DLGAP1: variants seen among roughly 807,000 people sequenced by gnomAD.
DLGAP1 encodes the protein disks large-associated protein 1.
DLGAP1 carries 11 observed loss-of-function variants against 90.8 expected under a neutral mutation model. That is an observed-to-expected ratio of 0.12 (90% CI 0.08 to 0.20). The LOEUF (loss-of-function observed/expected upper bound fraction) is 0.20. Ranked by LOEUF, DLGAP1 falls within the 10% of genes least tolerant of loss-of-function variation. The pLI is 1.00. For missense variants in DLGAP1, 1,050 were observed against 1,333.8 expected (o/e 0.79, Z 3.31); for synonymous variants, 558 against 540.7 (o/e 1.03, Z -0.44).
At chr18:3,987,780 G>A (rs942114038) in intron 3 of DLGAP1, among the ~76,000 whole-genome samples, 1 of 151,858 alleles carries the variant, frequency 6.6e-6, no homozygotes, top group African/African-American at 2.4e-5. Context: ...AGAGCGTTTT[G>A]TCTTTAACTT....
At chr18:3,846,931 G>C (rs1005032335) in intron 4 of DLGAP1, among the ~76,000 whole-genome samples, 1 of 151,908 alleles carries the variant, frequency 6.6e-6, no homozygotes, top group African/African-American at 2.4e-5. Context: ...ACTTTAAATG[G>C]GTAAATAATA....
At chr18:4,094,217 GTTCC>G (rs1346897816) in intron 2 of DLGAP1, among the ~76,000 whole-genome samples, 1 of 151,682 alleles carries the variant, frequency 6.6e-6, no homozygotes, top group Non-Finnish European at 1.5e-5. Context: ...ATTTTTCTTT[GTTCC>G]TTAGTTTTAT....
chr18:3,621,192 T>C (rs1334422645), intron 7 of DLGAP1, among the ~76,000 whole-genome samples: 1 of 152,164 alleles, frequency 6.6e-6, no homozygotes. Context: ...ATGATTATTA[T>C]ACCTGCCCTG....
chr18:3,819,027 C>A (rs1336518419), intron 4 of DLGAP1, among the ~76,000 whole-genome samples: 1 of 151,830 alleles, frequency 6.6e-6, no homozygotes, highest in Non-Finnish European at 1.5e-5. Flanking sequence ...AAGAGGAACA[C>A]ACGGCCGGAC....
In DLGAP1 at chr18:3,559,341, C is replaced by A. The variant is rs183495906; in HGVS notation, c.2057+8149G>T. Among the ~76,000 whole-genome samples, 246 of 152,184 alleles carry A rather than the reference C, an allele frequency of 1.6e-3. 1 individual carries two copies. Among genetic ancestry groups the A allele is most frequent in the African/African-American group, 5.6e-3 (231 of 41,520 alleles). ...GTAAAATTAAATGAGCGCTGACAGC[C>A]AGCTGCACATTTTTTCTAAATGGGA... is the stretch of plus-strand genomic sequence containing the variant. On this transcript the variant is annotated intron_variant, in intron 9 of 12. Coordinates refer to ENST00000315677, the MANE Select transcript of DLGAP1 (RefSeq NM_004746.4).
intron 1 of DLGAP1, among the ~76,000 whole-genome samples, chr18:4,286,044 A>G (rs1466098269): frequency 1.3e-5 from 2 of 152,150 alleles, no homozygotes; most frequent in African/African-American, 4.8e-5. Flanking sequence ...TTGAAAAACA[A>G]AGTGTCACTC....
At chr18:4,125,981 T>G (rs546200326) in intron 2 of DLGAP1, among the ~76,000 whole-genome samples, 1 of 152,250 alleles carries the variant, frequency 6.6e-6, no homozygotes, top group Admixed American at 6.5e-5. Flanking sequence ...GGGTGAGACT[T>G]GATGAGCAAG....
intron 7 of DLGAP1, among the ~76,000 whole-genome samples, chr18:3,681,689 C>G (rs78129035): frequency 6.6e-5 from 10 of 152,268 alleles, no homozygotes; most frequent in African/African-American, 1.2e-4. Context: ...AAATCTCATG[C>G]TTAGTTGTAA....
At position 3,562,906 on chromosome 18, in the gene DLGAP1, A is replaced by G. The variant is rs2054223383; in HGVS notation, c.2057+4584T>C. 2.0e-5 allele frequency among the ~76,000 whole-genome samples: 3 copies of G among 152,100 alleles called. No homozygotes were observed. In the East Asian group the frequency reaches 5.8e-4, roughly 29 times the overall value. On this transcript the variant is annotated intron_variant, in intron 9 of 12. Transcript: ENST00000315677. ...TGCAGTGGTGTGATCTCAGCTCGCT[A>G]TAACCTCCACTTCCCAAGCTCAAGC... is the stretch of plus-strand genomic sequence containing the variant.
intron 5 of DLGAP1, among the ~76,000 whole-genome samples, chr18:3,779,235 CTGTTGT>C (rs759775066): frequency 7.4e-4 from 113 of 152,122 alleles, no homozygotes; most frequent in African/African-American, 2.7e-3. Context: ...ACCAGTTTTG[CTGTTGT>C]TGTTGTTGTT....
In DLGAP1 at chr18:4,257,560, T is replaced by G. The variant is rs555112547; in HGVS notation, c.-266-106273A>C. 9.2e-5 allele frequency among the ~76,000 whole-genome samples: 14 copies of G among 152,312 alleles called. No individual in the cohort carries two copies. In the South Asian group the frequency reaches 2.9e-3, roughly 32 times the overall value. On this transcript the variant is annotated intron_variant, in intron 1 of 12. Coordinates refer to ENST00000315677, the MANE Select transcript of DLGAP1 (RefSeq NM_004746.4). The stretch of plus-strand genomic sequence containing the variant: ...TACATCCCTCAATGATCTCCTAGAA[T>G]TTTTATAAACTCTGGTTGAAGACCT...
intron 3 of DLGAP1, among the ~76,000 whole-genome samples, chr18:3,920,981 T>G (rs568246273): frequency 6.6e-5 from 10 of 152,338 alleles, no homozygotes; most frequent in Admixed American, 6.5e-4. Flanking sequence ...AAATCCAACT[T>G]GTATGTTTAT....
intron 1 of DLGAP1, among the ~76,000 whole-genome samples, chr18:4,182,928 G>C (rs1054563229): frequency 2.8e-4 from 42 of 152,224 alleles, no homozygotes; most frequent in African/African-American, 1.0e-3. Flanking sequence ...AACAATGTTT[G>C]CAGGAGATTG....
chr18:3,668,764 G>A (rs1288294752), intron 7 of DLGAP1, among the ~76,000 whole-genome samples: 3 of 152,148 alleles, frequency 2.0e-5, no homozygotes, highest in Admixed American at 6.5e-5. Context: ...TTGGGAGGCC[G>A]AGGCAGGCAG....
intron 1 of DLGAP1, among the ~76,000 whole-genome samples, chr18:4,182,787 T>C (rs1013852435): frequency 4.6e-5 from 7 of 152,154 alleles, no homozygotes; most frequent in African/African-American, 9.7e-5. Flanking sequence ...CAAAGGATAG[T>C]TGGGTTTTAG....
intron 9 of DLGAP1, among the ~76,000 whole-genome samples, chr18:3,544,713 C>A (rs1361690040): frequency 9.0e-6 from 1 of 111,678 alleles, no homozygotes; most frequent in Non-Finnish European, 1.9e-5. Context: ...AAAATGTGTA[C>A]TTTGCTTTTA....
chr18:3,720,722 T>C (rs1173764304), intron 7 of DLGAP1, among the ~76,000 whole-genome samples: 1 of 151,898 alleles, frequency 6.6e-6, no homozygotes, highest in African/African-American at 2.4e-5. Context: ...CTCTGGATTA[T>C]GAAGGCTTTT....
At chr18:3,772,943 A>C (rs8089429) in intron 5 of DLGAP1, among the ~76,000 whole-genome samples, 1 of 152,114 alleles carries the variant, frequency 6.6e-6, no homozygotes, top group African/African-American at 2.4e-5. Flanking sequence ...TATTGAACGG[A>C]GCCCCTGGTC....
intron 7 of DLGAP1, among the ~76,000 whole-genome samples, chr18:3,692,670 C>G (rs1045558247): frequency 3.3e-5 from 5 of 152,204 alleles, no homozygotes; most frequent in African/African-American, 1.2e-4. Flanking sequence ...CTACTCAGTA[C>G]TTTAAAGATT....
Sources: gnomAD v4.1 joint callset for allele counts (sites outside exome capture counted in the v4.1 genomes callset) on GRCh38, gnomAD v4.1.1 for gene constraint, MANE v1.5 for transcripts, NCBI Gene and HGNC (gene_info 2026-07-23, HGNC 2026-07-21) for gene names.